ZNF804B: variants seen among roughly 807,000 people sequenced by gnomAD.
The protein encoded by ZNF804B is zinc finger protein 804B, also known as zinc finger 804B.
ZNF804B carries 80 observed loss-of-function variants against 101.4 expected under a neutral mutation model. That is an observed-to-expected ratio of 0.79 (90% CI 0.66 to 0.95). ZNF804B has a LOEUF of 0.95. Ranked by LOEUF, ZNF804B falls within the 40% of genes least tolerant of loss-of-function variation. The pLI, the probability that ZNF804B is intolerant of heterozygous loss-of-function variation, is 0.00. For synonymous variants in ZNF804B, 622 were observed against 558.8 expected (o/e 1.11, Z -1.59); for missense variants, 1,673 against 1,561.9 (o/e 1.07, Z -1.20).
chr7:89,241,922 A>C (rs1031783072), intron 2 of ZNF804B, among the ~76,000 whole-genome samples: 10 of 150,804 alleles, frequency 6.6e-5, no homozygotes, highest in African/African-American at 2.4e-4. Context: ...TAAAGGAACA[A>C]TATGCTATGA....
Position 89,197,785 on chromosome 7 carries a change from G to A in ZNF804B, c.109-20370G>A, listed in dbSNP as rs376360983. Among the ~76,000 whole-genome samples, 26 of 151,688 alleles carry A rather than the reference G, an allele frequency of 1.7e-4. 1 individual carries two copies. The highest frequency in any genetic ancestry group is 4.6e-4 in the African/African-American group (19 of 41,330). ...GGTTAGTGGATTTAGATTTAGTTTC[G>A]TTATATAGAGTTAAAGATATCTTTA... On this transcript the variant is annotated intron_variant, in intron 1 of 3. Transcript: ENST00000333190.
At chr7:89,050,866 A>G (rs534977376) in intron 1 of ZNF804B, among the ~76,000 whole-genome samples, 1 of 152,134 alleles carries the variant, frequency 6.6e-6, no homozygotes, top group Non-Finnish European at 1.5e-5. Context: ...ATATACATAT[A>G]TTATTTCATA....
intron 1 of ZNF804B, among the ~76,000 whole-genome samples, chr7:88,930,379 C>T (rs1792864748): frequency 6.6e-6 from 1 of 151,918 alleles, no homozygotes; most frequent in Non-Finnish European, 1.5e-5. Flanking sequence ...GCCAGCTAAA[C>T]CTCCAACAAT....
At chr7:88,980,416 A>T (rs1358432488) in intron 1 of ZNF804B, among the ~76,000 whole-genome samples, 1 of 151,994 alleles carries the variant, frequency 6.6e-6, no homozygotes, top group Non-Finnish European at 1.5e-5. Flanking sequence ...TAGTCTTCAC[A>T]GTCTTGGCTG....
At chr7:89,282,115 G>C (rs374489310) in intron 2 of ZNF804B, among the ~76,000 whole-genome samples, 1 of 151,114 alleles carries the variant, frequency 6.6e-6, no homozygotes, top group East Asian at 1.9e-4. Flanking sequence ...GCAGGAGAAT[G>C]GTGTGAACCT....
chr7:89,081,300 C>G (rs546624213), intron 1 of ZNF804B, among the ~76,000 whole-genome samples: 1 of 151,976 alleles, frequency 6.6e-6, no homozygotes, highest in East Asian at 1.9e-4. Flanking sequence ...AAGTACTGAA[C>G]AGGGTCAGGT....
At chr7:89,099,324 TAAA>T (rs1790017940) in intron 1 of ZNF804B, among the ~76,000 whole-genome samples, 2 of 151,894 alleles carry the variant, frequency 1.3e-5, no homozygotes, top group South Asian at 4.1e-4. Flanking sequence ...AAATATATAA[TAAA>T]AGGGGAAGAA....
chr7:88,841,616 A>G (rs1023394708), intron 1 of ZNF804B, among the ~76,000 whole-genome samples: 16 of 152,158 alleles, frequency 1.1e-4, no homozygotes, highest in African/African-American at 3.9e-4. Context: ...AACAGTAACC[A>G]TAAGTACAAA....
intron 1 of ZNF804B, among the ~76,000 whole-genome samples, chr7:89,029,448 T>A (rs1788800037): frequency 6.6e-6 from 1 of 152,066 alleles, no homozygotes. Flanking sequence ...TGAGATGTAA[T>A]ATGGGATTAA....
In ZNF804B at chr7:89,336,251, A is replaced by G; in HGVS notation, c.3269A>G (p.Glu1090Gly). The change falls in exon 4 of 4, where the codon GAG becomes GGG. Residue 1090 changes from glutamate to glycine, a missense_variant. Coordinates refer to ENST00000333190, the MANE Select transcript of ZNF804B (RefSeq NM_181646.5). ...NKYTGVTDST[E>G]TQEDQINLDL... Reference sequence around the variant, plus strand: ...TATACTGGTGTGACTGATTCAACAGAGACCCAAGAAGACCAAATAAATCTA... The same window carrying G: ...TATACTGGTGTGACTGATTCAACAGGGACCCAAGAAGACCAAATAAATCTA... The G allele has an allele frequency of 6.2e-7, 1 of 1,613,886 alleles. No individual in the cohort carries two copies. Among genetic ancestry groups the G allele is most frequent in the South Asian group, 1.1e-5 (1 of 91,082 alleles).
chr7:89,246,226 A>G (rs779642811), intron 2 of ZNF804B, among the ~76,000 whole-genome samples: 2 of 152,158 alleles, frequency 1.3e-5, no homozygotes, highest in Non-Finnish European at 2.9e-5. Context: ...CTGTGGGACA[A>G]GAGGAGATAT....
At chr7:89,243,751 T>C (rs930096194) in intron 2 of ZNF804B, among the ~76,000 whole-genome samples, 7 of 150,504 alleles carry the variant, frequency 4.7e-5, no homozygotes, top group Non-Finnish European at 1.0e-4. Context: ...TATTTTGTTT[T>C]GTTTTGTTTT....
intron 1 of ZNF804B, among the ~76,000 whole-genome samples, chr7:89,061,683 A>T (rs1168380791): frequency 6.6e-6 from 1 of 152,100 alleles, no homozygotes; most frequent in Non-Finnish European, 1.5e-5. Flanking sequence ...GTTTCATTTC[A>T]TAAGTTTTAT....
chr7:89,304,080 A>G (rs573710206), intron 2 of ZNF804B, among the ~76,000 whole-genome samples: 1 of 151,980 alleles, frequency 6.6e-6, no homozygotes, highest in East Asian at 1.9e-4. Flanking sequence ...TTTAATTATA[A>G]ATTATTTATC....
chr7:88,872,785 C>A (rs1314133493), intron 1 of ZNF804B, among the ~76,000 whole-genome samples: 2 of 148,214 alleles, frequency 1.3e-5, no homozygotes, highest in Non-Finnish European at 3.0e-5. Context: ...CATGTCCCTA[C>A]AAAGGACATG....
intron 2 of ZNF804B, among the ~76,000 whole-genome samples, chr7:89,274,586 T>G (rs1289316916): frequency 1.3e-5 from 2 of 151,548 alleles, no homozygotes; most frequent in Non-Finnish European, 2.9e-5. Flanking sequence ...TTTTCCTATT[T>G]AAGTGAGAAA....
At chr7:89,333,026 A>T (rs1791011166) in intron 3 of ZNF804B, among the ~76,000 whole-genome samples, 1 of 151,922 alleles carries the variant, frequency 6.6e-6, no homozygotes, top group African/African-American at 2.4e-5. Flanking sequence ...TGATTGGAAA[A>T]CTATTAGTGA....
intron 1 of ZNF804B, among the ~76,000 whole-genome samples, chr7:88,850,778 C>CA (rs551119164): frequency 1.3e-5 from 2 of 151,874 alleles, no homozygotes; most frequent in Non-Finnish European, 2.9e-5. Flanking sequence ...ACCAAGCATA[C>CA]AAAAAAGCAA....
At chr7:89,121,870 A>G (rs2116367170) in intron 1 of ZNF804B, among the ~76,000 whole-genome samples, 1 of 152,258 alleles carries the variant, frequency 6.6e-6, no homozygotes. Context: ...CTTACCCTAA[A>G]GACAATTTTT....
Sources: allele counts gnomAD v4.1 joint callset (sites outside exome capture counted in the v4.1 genomes callset), GRCh38; gene constraint gnomAD v4.1.1; transcripts MANE v1.5; gene names NCBI Gene and HGNC (gene_info 2026-07-23, HGNC 2026-07-21).